Variants in MRC1 observed in about 807,000 individuals in gnomAD.
MRC1 encodes macrophage mannose receptor 1.
MRC1 carries 62 observed loss-of-function variants against 102.9 expected under a neutral mutation model. The observed-to-expected ratio is 0.60, with a 90% CI of 0.49 to 0.74. MRC1 has a LOEUF of 0.74. Ranked by LOEUF, MRC1 falls within the 30% of genes least tolerant of loss-of-function variation. The pLI is 0.00. For synonymous variants in MRC1, 457 were observed against 298.4 expected (o/e 1.53, Z -5.48); for missense variants, 1,237 against 862.8 (o/e 1.43, Z -5.43).
intron 4 of MRC1, among the ~76,000 whole-genome samples, chr10:17,838,690 G>A (rs1838706453): frequency 6.6e-6 from 1 of 152,154 alleles, no homozygotes; most frequent in African/African-American, 2.4e-5. Flanking sequence ...TTGAGCATGT[G>A]AGGCTGGGCG....
chr10:17,849,590 C>T lies in MRC1; in HGVS notation c.1075C>T (p.Pro359Ser). ...SFVIPSESDV[P>S]THCPSQWWPY... ...CTTTTTGTTTCTAGAAAGTGATGTG[C>T]CTACTCACTGTCCTAGTCAGTGGTG... Residue 359 changes from proline (P) to serine (S), a missense_variant, in exon 7 of 30, where the codon CCT (proline) becomes TCT (serine). Pro to Ser is a moderately conservative substitution (Grantham distance 74). Coordinates refer to ENST00000569591, the MANE Select transcript of MRC1 (RefSeq NM_002438.4). The T allele has an allele frequency of 1.3e-6, 1 of 780,536 alleles. No individual in the cohort carries two copies. Among genetic ancestry groups the T allele is most frequent in the Non-Finnish European group, 2.4e-6 (1 of 417,934 alleles). 48.4% of individuals were successfully genotyped at this position (780,536 alleles called of 1,614,324 possible).
chr10:17,820,811 G>A (rs1212705342), intron 1 of MRC1, among the ~76,000 whole-genome samples: 3 of 152,090 alleles, frequency 2.0e-5, no homozygotes, highest in East Asian at 3.9e-4. Context: ...GATTAGAGAA[G>A]ATAATTTACC....
chr10:17,892,392 C>T (rs1217509904), intron 22 of MRC1, among the ~76,000 whole-genome samples: 1 of 152,206 alleles, frequency 6.6e-6, no homozygotes, highest in African/African-American at 2.4e-5. Context: ...TACTTGTTCC[C>T]TTTTTCTGCT....
At chr10:17,827,737 GA>G in intron 3 of MRC1, 22 bp downstream of exon 3, 1 of 780,548 alleles carries the variant, frequency 1.3e-6, no homozygotes, top group Non-Finnish European at 2.4e-6. Flanking sequence ...TTATCACCAA[GA>G]AAAGTTGGGC....
intron 1 of MRC1, 96 bp downstream of exon 1, chr10:17,809,622 T>G: frequency 1.2e-6 from 1 of 826,806 alleles, no homozygotes; most frequent in Non-Finnish European, 2.2e-6. Flanking sequence ...TTCAACATCT[T>G]TGTGAGGAGG....
intron 1 of MRC1, among the ~76,000 whole-genome samples, chr10:17,812,922 C>G (rs1265479755): frequency 1.3e-5 from 2 of 152,158 alleles, no homozygotes; most frequent in African/African-American, 4.8e-5. Flanking sequence ...AATATGGAGC[C>G]TTTCTAGGCT....
At chr10:17,885,823 C>CATCATGATCATGATCATG (rs782722089) in intron 22 of MRC1, among the ~76,000 whole-genome samples, 3 of 150,808 alleles carry the variant, frequency 2.0e-5, no homozygotes, top group East Asian at 2.0e-4. Context: ...GATCATCATC[C>CATCATGATCATGATCATG]ATCATGATCA....
At chr10:17,888,437 G>T (rs1273243614) in intron 22 of MRC1, among the ~76,000 whole-genome samples, 1 of 152,172 alleles carries the variant, frequency 6.6e-6, no homozygotes, top group Non-Finnish European at 1.5e-5. Flanking sequence ...TTAAAGATGT[G>T]CTGACTTCAC....
chr10:17,822,378 C>T (rs1382279513), intron 1 of MRC1, among the ~76,000 whole-genome samples: 5 of 152,180 alleles, frequency 3.3e-5, no homozygotes, highest in African/African-American at 1.2e-4. Context: ...AATCCTAGTA[C>T]TTTGAGAGGC....
chr10:17,872,489 C>T (rs1002281830), intron 15 of MRC1, among the ~76,000 whole-genome samples: 169 of 152,280 alleles, frequency 1.1e-3, no homozygotes, highest in African/African-American at 3.8e-3. Flanking sequence ...TTCTGACCTA[C>T]GTTAATCATC....
chr10:17,838,216 G>GAC (rs1338411569), intron 4 of MRC1, among the ~76,000 whole-genome samples: 1 of 152,148 alleles, frequency 6.6e-6, no homozygotes, highest in East Asian at 1.9e-4. Flanking sequence ...GCACTGATGA[G>GAC]AACCCTTAAT....
chr10:17,836,409 C>T (rs1838662918), intron 4 of MRC1, among the ~76,000 whole-genome samples: 1 of 151,878 alleles, frequency 6.6e-6, no homozygotes, highest in African/African-American at 2.4e-5. Context: ...CAACCATGCA[C>T]AAAAATAAGG....
chr10:17,833,918 G>A, intron 4 of MRC1, 79 bp downstream of exon 4: 2 of 753,980 alleles, frequency 2.7e-6, no homozygotes, highest in South Asian at 1.4e-5. Flanking sequence ...AACAGCACAA[G>A]TGTTTATAGA....
intron 16 of MRC1, among the ~76,000 whole-genome samples, 190 bp from the exon 17 acceptor site, chr10:17,874,900 A>G (rs931108597): frequency 6.6e-6 from 1 of 152,200 alleles, no homozygotes; most frequent in Non-Finnish European, 1.5e-5. Flanking sequence ...CCAGATTGGT[A>G]GAAAGTGGAT....
At chr10:17,846,251 A>G (rs1207900634) in intron 6 of MRC1, among the ~76,000 whole-genome samples, 1 of 152,154 alleles carries the variant, frequency 6.6e-6, no homozygotes, top group Non-Finnish European at 1.5e-5. Context: ...AGAAAAAAAA[A>G]AATCAATTGT....
Position 17,875,070 on chromosome 10 carries a change from T to C in MRC1, c.2387-20T>C, listed in dbSNP as rs1833411252. On this transcript the variant is annotated intron_variant, in intron 16 of 29. Transcript: ENST00000569591. ...ATTTGTCTGCATAAAACTCATTGCC[T>C]TTTCTCATTAACTTTTCAGATCCAC... is the stretch of plus-strand genomic sequence containing the variant. 1.3e-6 allele frequency: 1 copy of C among 780,780 alleles called. No homozygotes were observed. The highest frequency in any genetic ancestry group is 1.7e-5 in the African/African-American group (1 of 59,248). 48.4% of individuals were successfully genotyped at this position (780,780 alleles called of 1,614,324 possible). A position where few individuals can be genotyped will look rare whatever the true frequency, so the allele number is the denominator to read the frequency against.
chr10:17,856,592 A>T (rs1398037829), intron 9 of MRC1, among the ~76,000 whole-genome samples: 1 of 152,030 alleles, frequency 6.6e-6, no homozygotes, highest in Non-Finnish European at 1.5e-5. Flanking sequence ...ATGTCATGGG[A>T]ATTGGAAGAG....
intron 26 of MRC1, among the ~76,000 whole-genome samples, chr10:17,902,634 C>T (rs903473169): frequency 2.0e-5 from 3 of 152,114 alleles, no homozygotes; most frequent in African/African-American, 7.2e-5. Flanking sequence ...AGTTAAATCC[C>T]GTTAAATATT....
intron 3 of MRC1, among the ~76,000 whole-genome samples, chr10:17,828,410 A>G (rs1838517430): frequency 6.6e-6 from 1 of 151,408 alleles, no homozygotes; most frequent in Admixed American, 6.6e-5. Context: ...TCAGTTACTC[A>G]GCGAAAATTA....
Sources: allele counts gnomAD v4.1 joint callset (sites outside exome capture counted in the v4.1 genomes callset), GRCh38; gene constraint gnomAD v4.1.1; transcripts MANE v1.5; gene names NCBI Gene and HGNC (gene_info 2026-07-23, HGNC 2026-07-21).